The following DOCK4 variants were observed in gnomAD, a reference collection of about 807,000 sequenced individuals.
DOCK4 encodes dedicator of cytokinesis 4.
A neutral mutation model predicts 268.1 loss-of-function variants in DOCK4; 97 were observed. The ratio of observed to expected loss-of-function variants is 0.36; its 90% CI spans 0.31 to 0.43. The LOEUF (loss-of-function observed/expected upper bound fraction) is 0.43. Among genes scored for constraint, DOCK4 ranks in the 20% least tolerant of loss-of-function variants. The pLI, the probability that DOCK4 is intolerant of heterozygous loss-of-function variation, is 1.00. For missense variants in DOCK4, 2,145 were observed against 2,455.7 expected (o/e 0.87, Z 2.67); for synonymous variants, 954 against 887.2 (o/e 1.08, Z -1.34).
Position 111,926,701 on chromosome 7 carries a change from T to C in DOCK4, c.1066+8839A>G, listed in dbSNP as rs553313207. On this transcript the variant is annotated intron_variant, in intron 12 of 52. Transcript: ENST00000428084. ...TAAATAAATAAGCCAAGCGTGGTGG[T>C]GTGCCACCTGTAGTTCCAGCTATTC... Among the ~76,000 whole-genome samples, 152 of 148,766 alleles carry C rather than the reference T, an allele frequency of 1.0e-3. 1 individual carries two copies. The highest frequency in any genetic ancestry group is 3.3e-3 in the East Asian group (16 of 4,872).
chr7:111,906,755 A>C (rs1301234191), intron 13 of DOCK4, among the ~76,000 whole-genome samples: 6 of 152,172 alleles, frequency 3.9e-5, no homozygotes, highest in Non-Finnish European at 8.8e-5. Flanking sequence ...AGGGGATATG[A>C]TGAGGAACAC....
At chr7:112,088,020 G>A (rs911331102) in intron 1 of DOCK4, among the ~76,000 whole-genome samples, 2 of 152,144 alleles carry the variant, frequency 1.3e-5, no homozygotes, top group African/African-American at 4.8e-5. Context: ...AAGGGGAGTA[G>A]ATTTTTAAAT....
chr7:111,925,401 A>T (rs987832859), intron 12 of DOCK4, among the ~76,000 whole-genome samples: 2 of 152,180 alleles, frequency 1.3e-5, no homozygotes, highest in African/African-American at 4.8e-5. Flanking sequence ...GAAGCAGAGG[A>T]AAGAAAGAAA....
intron 1 of DOCK4, among the ~76,000 whole-genome samples, chr7:112,114,422 C>A (rs1165879349): frequency 6.6e-6 from 1 of 152,186 alleles, no homozygotes; most frequent in Non-Finnish European, 1.5e-5. Flanking sequence ...ATGTTGTCAA[C>A]TGTTTACCTT....
At chr7:111,802,689 A>C (rs2133866094) in intron 30 of DOCK4, among the ~76,000 whole-genome samples, 1 of 152,302 alleles carries the variant, frequency 6.6e-6, no homozygotes, top group African/African-American at 2.4e-5. Context: ...TCTCTTAAAA[A>C]AAATCTCTTC....
chr7:111,934,348 G>A (rs1794509690), intron 12 of DOCK4, among the ~76,000 whole-genome samples: 1 of 151,882 alleles, frequency 6.6e-6, no homozygotes, highest in Admixed American at 6.6e-5. Flanking sequence ...GACTTATAGT[G>A]GTATATATTT....
Position 111,747,354 on chromosome 7 carries a change from T to C in DOCK4, c.4506A>G (p.Arg1502=). The change falls in exon 43 of 53, where the codon AGA becomes AGG. Residue 1502 remains arginine, a synonymous_variant. Transcript: ENST00000428084. ...TCAGGGGATTAATATTCTGCATCTG[T>C]CTTGTCTGACACTGACTAATCAGAG... ...LKTLISQCQT[R]QMQNINPLTM... is the part of the protein sequence containing the mutation. 3.1e-6 allele frequency: 5 copies of C among 1,613,610 alleles called. No individual in the cohort carries two copies. Among genetic ancestry groups the C allele is most frequent in the Non-Finnish European group, 4.2e-6 (5 of 1,179,792 alleles).
intron 1 of DOCK4, among the ~76,000 whole-genome samples, chr7:112,107,788 A>G (rs1318088833): frequency 2.6e-5 from 4 of 152,248 alleles, no homozygotes; most frequent in Admixed American, 2.0e-4. Flanking sequence ...CAAGATCCTC[A>G]GGTAGGAAGA....
At chr7:111,737,823 C>T (rs1240183557) in intron 49 of DOCK4, among the ~76,000 whole-genome samples, 1 of 152,168 alleles carries the variant, frequency 6.6e-6, no homozygotes, top group African/African-American at 2.4e-5. Flanking sequence ...GCAGAACAAA[C>T]TGAGAAATTC....
chr7:112,019,845 G>C (rs1352416393), intron 1 of DOCK4, among the ~76,000 whole-genome samples: 1 of 152,192 alleles, frequency 6.6e-6, no homozygotes, highest in East Asian at 1.9e-4. Flanking sequence ...CCTACTAGGG[G>C]ATGAAGTCTT....
At chr7:111,850,111 T>G (rs1301800171) in intron 23 of DOCK4, among the ~76,000 whole-genome samples, 2 of 152,118 alleles carry the variant, frequency 1.3e-5, no homozygotes, top group Non-Finnish European at 2.9e-5. Flanking sequence ...TATCTGTAAG[T>G]ACAGATACAA....
chr7:111,899,139 TTCAGATACATCCACACAAGCATA>T (rs1262208818), intron 15 of DOCK4, among the ~76,000 whole-genome samples: 1 of 152,226 alleles, frequency 6.6e-6, no homozygotes, highest in Non-Finnish European at 1.5e-5. Context: ...TCTTCCTGCA[TTCAGATACATCCACACAAGCATA>T]ATGTATGAAG....
chr7:112,136,081 A>T (rs1290885969), intron 1 of DOCK4, among the ~76,000 whole-genome samples: 1 of 152,218 alleles, frequency 6.6e-6, no homozygotes, highest in Admixed American at 6.5e-5. Flanking sequence ...CCAAAGATGC[A>T]GTGAAAATTA....
chr7:112,151,587 G>A (rs922402894), intron 1 of DOCK4, among the ~76,000 whole-genome samples: 1 of 152,106 alleles, frequency 6.6e-6, no homozygotes, highest in African/African-American at 2.4e-5. Flanking sequence ...GTCATACACA[G>A]TAGTAGCACA....
intron 1 of DOCK4, among the ~76,000 whole-genome samples, chr7:112,018,179 A>AAAAAAAAAC: frequency 2.8e-5 from 2 of 72,630 alleles, no homozygotes; most frequent in African/African-American, 1.1e-4. Flanking sequence ...AAAAAAAAAA[A>AAAAAAAAAC]ACACAGGCAA....
chr7:112,157,099 T>C (rs1023465527), intron 1 of DOCK4, among the ~76,000 whole-genome samples: 1 of 152,166 alleles, frequency 6.6e-6, no homozygotes, highest in Non-Finnish European at 1.5e-5. Flanking sequence ...TATGTATGAC[T>C]TTTATATTGG....
At chr7:111,778,777 C>T (rs549098274) in intron 35 of DOCK4, among the ~76,000 whole-genome samples, 4 of 152,174 alleles carry the variant, frequency 2.6e-5, no homozygotes, top group African/African-American at 9.7e-5. Flanking sequence ...AAAGTCTCAG[C>T]TGGGCACGGT....
In DOCK4 at chr7:111,757,295, A is replaced by T. The variant is rs575250748; in HGVS notation, c.4329+1329T>A. ...CAGATTTAAAGTGACAGCCACAACG[A>T]AATGTAGTACGGTGGAAAAAACAAT... On this transcript the variant is annotated intron_variant, in intron 41 of 52. Coordinates refer to ENST00000428084, the MANE Select transcript of DOCK4 (RefSeq NM_001363540.2). 4.6e-5 allele frequency among the ~76,000 whole-genome samples: 7 copies of T among 152,242 alleles called. No individual in the cohort carries two copies. In the East Asian group the frequency reaches 1.2e-3, roughly 25 times the overall value.
intron 1 of DOCK4, among the ~76,000 whole-genome samples, chr7:112,052,695 T>G (rs1805471358): frequency 1.3e-5 from 2 of 152,130 alleles, no homozygotes. Context: ...CCCGCAATAA[T>G]GCTGTTTCCT....
Sources: gnomAD v4.1 joint callset for allele counts (sites outside exome capture counted in the v4.1 genomes callset) on GRCh38, gnomAD v4.1.1 for gene constraint, MANE v1.5 for transcripts, NCBI Gene and HGNC (gene_info 2026-07-23, HGNC 2026-07-21) for gene names.